Variants in IL1RL2 observed in about 807,000 individuals in gnomAD.
The protein encoded by IL1RL2 is interleukin 1 receptor like 2.
IL1RL2 carries 68 observed loss-of-function variants against 66.8 expected under a neutral mutation model. The ratio of observed to expected loss-of-function variants is 1.02; its 90% confidence interval spans 0.84 to 1.25. The LOEUF is 1.25. IL1RL2 is among the 50% of genes most tolerant of loss of function. The pLI, the probability that IL1RL2 is intolerant of heterozygous loss-of-function variation, is 0.00. For synonymous variants in IL1RL2, 305 were observed against 264.6 expected (o/e 1.15, Z -1.48); for missense variants, 729 against 709.3 (o/e 1.03, Z -0.32).
intron 6 of IL1RL2, among the ~76,000 whole-genome samples, chr2:102,212,684 A>G (rs1417912008): frequency 6.6e-6 from 1 of 152,210 alleles, no homozygotes; most frequent in Admixed American, 6.5e-5. Flanking sequence ...AATAATCACT[A>G]GTGGCCAGGC....
chr2:102,203,107 AT>A (rs1356453047), intron 5 of IL1RL2, among the ~76,000 whole-genome samples: 1 of 152,146 alleles, frequency 6.6e-6, no homozygotes, highest in Non-Finnish European at 1.5e-5. Context: ...ATTTTATCAA[AT>A]GCTTTTTCCG....
Position 102,201,642 on chromosome 2 carries a change from C to G in IL1RL2, c.576C>G (p.Asn192Lys). The change falls in exon 5 of 12, where the codon AAC becomes AAG. Residue 192 changes from asparagine to lysine, a missense_variant. Physicochemically the swap from Asn to Lys is moderately conservative, Grantham distance 94 (BLOSUM62 0). Coordinates refer to ENST00000264257, the MANE Select transcript of IL1RL2 (RefSeq NM_003854.4). ...VSNVSAEDRG[N>K]YACQAILTHS... Reference sequence around the variant, plus strand: ...ATGTCTCGGCAGAGGACAGAGGGAACTACGCGTGTCAAGCCATACTGACAC... The same window carrying G: ...ATGTCTCGGCAGAGGACAGAGGGAAGTACGCGTGTCAAGCCATACTGACAC... 6.2e-7 allele frequency: 1 copy of G among 1,614,102 alleles called. No homozygotes were observed. Among genetic ancestry groups the G allele is most frequent in the Non-Finnish European group, 8.5e-7 (1 of 1,179,992 alleles).
At chr2:102,212,648 G>A (rs376193966) in intron 6 of IL1RL2, among the ~76,000 whole-genome samples, 7 of 152,136 alleles carry the variant, frequency 4.6e-5, no homozygotes, top group East Asian at 1.9e-4. Context: ...AGATAAAAAG[G>A]CATCAAATTA....
At chr2:102,214,182 G>A (rs1689413830) in intron 6 of IL1RL2, among the ~76,000 whole-genome samples, 1 of 152,036 alleles carries the variant, frequency 6.6e-6, no homozygotes, top group Non-Finnish European at 1.5e-5. Context: ...GGAAATTCTA[G>A]CCAATGTATT....
chr2:102,235,815 G>A (rs1674828957), intron 11 of IL1RL2: 3 of 985,308 alleles, frequency 3.0e-6, no homozygotes, highest in Admixed American at 1.2e-4. Flanking sequence ...TGCAGACAAA[G>A]AGCTGCAAAC....
chr2:102,242,087 A>G (rs549540186), downstream of IL1RL2, among the ~76,000 whole-genome samples: 41 of 152,332 alleles, frequency 2.7e-4, no homozygotes, highest in African/African-American at 9.9e-4. Flanking sequence ...ACCCTCAGAC[A>G]CTTACGCAAG....
intron 4 of IL1RL2, among the ~76,000 whole-genome samples, chr2:102,198,768 G>A (rs564887412): frequency 2.0e-5 from 3 of 152,132 alleles, no homozygotes; most frequent in Admixed American, 1.3e-4. Context: ...CATCTTCTGT[G>A]CTCGCTTTTG....
At chr2:102,224,097 T>G (rs1690386637) in intron 8 of IL1RL2, among the ~76,000 whole-genome samples, 1 of 152,226 alleles carries the variant, frequency 6.6e-6, no homozygotes. Flanking sequence ...CGGCGTGGCC[T>G]AGGGCAGGTG....
intron 6 of IL1RL2, among the ~76,000 whole-genome samples, chr2:102,215,384 A>G (rs1689519884): frequency 6.6e-6 from 1 of 152,176 alleles, no homozygotes; most frequent in Admixed American, 6.5e-5. Flanking sequence ...ACAGGTGGCT[A>G]CAACTCCAAA....
intron 3 of IL1RL2, among the ~76,000 whole-genome samples, chr2:102,189,962 T>C (rs1272418488): frequency 6.6e-6 from 1 of 152,234 alleles, no homozygotes; most frequent in Non-Finnish European, 1.5e-5. Context: ...GCTGCCATCT[T>C]TCTTGAAATG....
intron 8 of IL1RL2, among the ~76,000 whole-genome samples, chr2:102,225,522 T>G (rs1302314494): frequency 6.6e-6 from 1 of 152,202 alleles, no homozygotes; most frequent in East Asian, 1.9e-4. Flanking sequence ...AGGTGCCCCA[T>G]GAACATACTC....
At chr2:102,214,101 G>T (rs915073408) in intron 6 of IL1RL2, among the ~76,000 whole-genome samples, 2 of 152,136 alleles carry the variant, frequency 1.3e-5, no homozygotes, top group African/African-American at 4.8e-5. Flanking sequence ...CTCATTATGT[G>T]AATAGTCTTA....
intron 11 of IL1RL2, among the ~76,000 whole-genome samples, chr2:102,237,572 C>T (rs1370430893): frequency 6.6e-6 from 1 of 152,202 alleles, no homozygotes; most frequent in East Asian, 1.9e-4. Context: ...ATAGGAGAAA[C>T]AGCCTGTTTT....
At chr2:102,236,614 C>T (rs1196414544) in intron 11 of IL1RL2, among the ~76,000 whole-genome samples, 1 of 152,160 alleles carries the variant, frequency 6.6e-6, no homozygotes, top group Non-Finnish European at 1.5e-5. Flanking sequence ...ACCATTTTAA[C>T]AATTTTTAAG....
intron 3 of IL1RL2, 108 bp downstream of exon 3, chr2:102,189,418 A>G: frequency 1.5e-6 from 1 of 680,844 alleles, no homozygotes. Flanking sequence ...ATGTTGTTGT[A>G]TGTTTTTATA....
intron 5 of IL1RL2, among the ~76,000 whole-genome samples, chr2:102,205,378 G>A (rs1344665554): frequency 1.3e-5 from 2 of 152,080 alleles, no homozygotes; most frequent in African/African-American, 4.8e-5. Flanking sequence ...ATTACTCATT[G>A]CTCATTAATG....
At chr2:102,240,241 A>T (rs765835352), downstream of IL1RL2, among the ~76,000 whole-genome samples, 1 of 151,692 alleles carries the variant, frequency 6.6e-6, no homozygotes, top group Non-Finnish European at 1.5e-5. Flanking sequence ...TTTTTTCCCC[A>T]CACTTAGTAG....
At chr2:102,230,723 A>ATGTGCAAGCATGGG (rs930646163) in intron 9 of IL1RL2, among the ~76,000 whole-genome samples, 1 of 152,092 alleles carries the variant, frequency 6.6e-6, no homozygotes, top group Non-Finnish European at 1.5e-5. Context: ...ATATGACTAC[A>ATGTGCAAGCATGGG]TGTGCAAGCA....
At chr2:102,218,863 G>A (rs1559551023) in intron 6 of IL1RL2, 90 bp from the exon 7 acceptor site, 13 of 1,125,860 alleles carry the variant, frequency 1.2e-5, no homozygotes, top group Admixed American at 2.1e-5. Context: ...TTCGAGGCTC[G>A]AGAGTACGAT....
Sources: gnomAD v4.1 joint callset for allele counts (sites outside exome capture counted in the v4.1 genomes callset) on GRCh38, gnomAD v4.1.1 for gene constraint, MANE v1.5 for transcripts, NCBI Gene and HGNC (gene_info 2026-07-23, HGNC 2026-07-21) for gene names.